HS6ST2: variants seen among roughly 807,000 people sequenced by gnomAD.
The protein encoded by HS6ST2 is heparan sulfate 6-O-sulfotransferase 2.
A neutral mutation model predicts 33.0 loss-of-function variants in HS6ST2; 17 were observed. The observed-to-expected ratio is 0.52, with a 90% CI of 0.35 to 0.77. The LOEUF (loss-of-function observed/expected upper bound fraction) is 0.77, where lower values mean the gene tolerates loss of function less well. Among genes scored for constraint, HS6ST2 ranks in the 30% least tolerant of loss-of-function variants. HS6ST2 has a pLI of 0.01. For synonymous variants in HS6ST2, 248 were observed against 237.1 expected, an observed-to-expected ratio of 1.05 and a Z score of -0.42; for missense variants, 519 against 551.7, an observed-to-expected ratio of 0.94 and a Z score of 0.59.
At chrX:132,669,427 C>A (rs2063842570) in intron 3 of HS6ST2, 2 of 283,777 alleles carry the variant, frequency 7.0e-6, no homozygotes, top group African/African-American at 2.8e-5. Flanking sequence ...AGAAAGCTAT[C>A]CTTTTGGCAT....
At chrX:132,826,087 T>C in intron 2 of HS6ST2, among the ~76,000 whole-genome samples, 1 of 112,779 alleles carries the variant, frequency 8.9e-6, no homozygotes, top group South Asian at 3.6e-4. Flanking sequence ...AAAACTGCCT[T>C]GTGCTTGGAC....
intron 4 of HS6ST2, among the ~76,000 whole-genome samples, chrX:132,640,927 G>C (rs755200925): frequency 9.0e-6 from 1 of 111,420 alleles, no homozygotes; most frequent in East Asian, 2.8e-4. Context: ...GTGCAGGCTT[G>C]TTATATGGAT....
chrX:132,865,249 T>C (rs1233067315), intron 2 of HS6ST2, among the ~76,000 whole-genome samples: 8 of 108,691 alleles, frequency 7.4e-5, no homozygotes, highest in Non-Finnish European at 1.5e-4. Context: ...GTTTTTGCGG[T>C]AGTTTACTGA....
intron 2 of HS6ST2, among the ~76,000 whole-genome samples, chrX:132,878,532 A>T (rs191820518): frequency 8.9e-6 from 1 of 112,527 alleles, no homozygotes; most frequent in East Asian, 2.8e-4. Flanking sequence ...CTCATGTTCA[A>T]TGTGAATTCT....
Position 132,858,884 on chromosome X carries a change from G to A in HS6ST2, c.947+97924C>T, listed in dbSNP as rs137871758. On this transcript the variant is annotated intron_variant, in intron 2 of 4. Transcript: ENST00000370833. ...CAAAAGGTAACTTATCTTGGCACCC[G>A]TTCTTCTAGGTCGGCATGGCCTCAC... 6.2e-5 allele frequency among the ~76,000 whole-genome samples: 7 copies of A among 112,228 alleles called. No homozygotes were observed. The East Asian group carries it at 1.4e-3, about 22-fold the overall frequency.
chrX:132,779,693 C>A (rs1245227203), intron 2 of HS6ST2, among the ~76,000 whole-genome samples: 2 of 109,150 alleles, frequency 1.8e-5, no homozygotes, highest in African/African-American at 7.0e-5. Flanking sequence ...GTCCAGAACA[C>A]ATAATAATGA....
intron 2 of HS6ST2, among the ~76,000 whole-genome samples, chrX:132,800,996 C>G (rs1472111017): frequency 1.8e-5 from 2 of 111,686 alleles, no homozygotes; most frequent in African/African-American, 6.5e-5. Context: ...GAGGCCTCCC[C>G]AGCCCTGTGG....
At chrX:132,700,533 CATAT>C (rs201749878) in intron 3 of HS6ST2, among the ~76,000 whole-genome samples, 1 of 102,052 alleles carries the variant, frequency 9.8e-6, no homozygotes. Context: ...CACATAAGAT[CATAT>C]ATATATATAT....
At chrX:132,934,661 T>C (rs910233840) in intron 2 of HS6ST2, among the ~76,000 whole-genome samples, 5 of 111,583 alleles carry the variant, frequency 4.5e-5, no homozygotes, top group South Asian at 3.7e-4. Flanking sequence ...AATGTTACAC[T>C]GGAAAGCATT....
At chrX:132,770,783 G>T (rs1196622579) in intron 2 of HS6ST2, among the ~76,000 whole-genome samples, 1 of 110,810 alleles carries the variant, frequency 9.0e-6, no homozygotes, top group East Asian at 2.8e-4. Context: ...AAATTAGTAG[G>T]GCTCTTCTGG....
intron 2 of HS6ST2, among the ~76,000 whole-genome samples, chrX:132,874,709 A>C (rs1404731452): frequency 2.7e-5 from 3 of 112,215 alleles, no homozygotes; most frequent in Non-Finnish European, 5.6e-5. Context: ...AGTAATGATG[A>C]GAAGTCTCTC....
chrX:132,628,265 A>G lies in HS6ST2; in HGVS notation c.1896T>C (p.Asn632=), dbSNP rs1341531342. 3 of 1,166,990 alleles carry G rather than the reference A, an allele frequency of 2.6e-6. No homozygotes were observed. The highest frequency in any genetic ancestry group is 1.8e-5 in the African/African-American group (1 of 56,152). ...CACTGCCTATGTAGTCGTTGGTGCC[A>G]TTGCTGGTGTTATCATTCTGCTCCT... ...SGKEQNDNTS[N]GTNDYIGSVE... The change falls in exon 5 of 5, where the codon AAT becomes AAC. Residue 632 remains asparagine, a synonymous_variant. Coordinates refer to ENST00000370833, the MANE Select transcript of HS6ST2 (RefSeq NM_001394073.1).
chrX:132,917,031 A>G (rs1265729760), intron 2 of HS6ST2, among the ~76,000 whole-genome samples: 1 of 112,093 alleles, frequency 8.9e-6, no homozygotes, highest in Non-Finnish European at 1.9e-5. Flanking sequence ...GAATGACTGC[A>G]TACATTCTTT....
At chrX:132,945,929 A>G (rs1412710349) in intron 2 of HS6ST2, among the ~76,000 whole-genome samples, 1 of 110,107 alleles carries the variant, frequency 9.1e-6, no homozygotes, top group Non-Finnish European at 1.9e-5. Context: ...CAGCACACCA[A>G]CATGGCACAT....
intron 3 of HS6ST2, among the ~76,000 whole-genome samples, chrX:132,684,252 CATATATATGT>C (rs1412840150): frequency 9.8e-6 from 1 of 102,188 alleles, no homozygotes; most frequent in Admixed American, 1.1e-4. Flanking sequence ...TACACACACA[CATATATATGT>C]ATATATATGT....
At chrX:132,896,194 G>T (rs1489933127) in intron 2 of HS6ST2, among the ~76,000 whole-genome samples, 1 of 111,064 alleles carries the variant, frequency 9.0e-6, no homozygotes, top group Admixed American at 9.7e-5. Flanking sequence ...GAATGAGCCG[G>T]GAGTGTTGGC....
At position 132,905,745 on chromosome X, in the gene HS6ST2, C is replaced by T. The variant is rs563910865; in HGVS notation, c.947+51063G>A. Reference sequence around the variant, plus strand: ...CCTGGGCAACACAGGGAGACCCCATCTCTATATTAAAAAAAATTAAAAGAA... The same window carrying T: ...CCTGGGCAACACAGGGAGACCCCATTTCTATATTAAAAAAAATTAAAAGAA... On this transcript the variant is annotated intron_variant, in intron 2 of 4. Coordinates refer to ENST00000370833, the MANE Select transcript of HS6ST2 (RefSeq NM_001394073.1). 1.3e-4 allele frequency among the ~76,000 whole-genome samples: 15 copies of T among 111,843 alleles called. No homozygotes were observed. The South Asian group carries it at 2.6e-3, about 20-fold the overall frequency.
rs1178004350 is a variant in HS6ST2, at chrX:132,773,220, T to C, written c.948-64726A>G. Among the ~76,000 whole-genome samples the C allele has an allele frequency of 2.9e-5, 3 of 102,543 alleles. No homozygotes were observed. The East Asian group carries it at 8.7e-4, about 30-fold the overall frequency. 89.0% of individuals were successfully genotyped at this position (102,543 alleles called of 115,157 possible). A position where few individuals can be genotyped will look rare whatever the true frequency, so the allele number is the denominator to read the frequency against. On this transcript the variant is annotated intron_variant, in intron 2 of 4. Transcript: ENST00000370833. Reference sequence around the variant, plus strand: ...TATGTAATATATAATAAATATGTATTATATATTTATAATATAATATATACA... The same window carrying C: ...TATGTAATATATAATAAATATGTATCATATATTTATAATATAATATATACA...
intron 2 of HS6ST2, among the ~76,000 whole-genome samples, chrX:132,813,215 T>C (rs5933202): frequency 0.37 from 40,463 of 110,660 alleles, 5,867 homozygotes; most frequent in African/African-American, 0.51. Flanking sequence ...AATTACTTAA[T>C]TACTAAATCC....
Sources: gnomAD v4.1 joint callset for allele counts (sites outside exome capture counted in the v4.1 genomes callset) on GRCh38, gnomAD v4.1.1 for gene constraint, MANE v1.5 for transcripts, NCBI Gene and HGNC (gene_info 2026-07-23, HGNC 2026-07-21) for gene names.